PSPC1: variants seen among roughly 807,000 people sequenced by gnomAD.
The protein encoded by PSPC1 is paraspeckle component 1.
PSPC1 carries 14 observed loss-of-function variants against 51.6 expected under a neutral mutation model. The observed-to-expected ratio is 0.27, with a 90% CI of 0.18 to 0.42. PSPC1 has a LOEUF of 0.42. PSPC1 is among the 10% of genes least tolerant of loss of function. PSPC1 has a pLI of 1.00. For synonymous variants in PSPC1, 193 were observed against 231.9 expected, an observed-to-expected ratio of 0.83 and a Z score of 1.53; for missense variants, 406 against 701.1, an observed-to-expected ratio of 0.58 and a Z score of 4.75.
chr13:19,697,079 G>GTAGTCAACTACA (rs1388559824), intron 6 of PSPC1, among the ~76,000 whole-genome samples: 1 of 152,120 alleles, frequency 6.6e-6, no homozygotes, highest in African/African-American at 2.4e-5. Flanking sequence ...ACAGTGTACT[G>GTAGTCAACTACA]GGACAGTCAA....
intron 2 of PSPC1, among the ~76,000 whole-genome samples, chr13:19,763,244 C>A (rs1209213819): frequency 6.6e-6 from 1 of 152,168 alleles, no homozygotes; most frequent in Non-Finnish European, 1.5e-5. Flanking sequence ...CAGCCTCAAC[C>A]TCCTGGGCTC....
At chr13:19,730,764 C>T (rs1352495382) in intron 5 of PSPC1, among the ~76,000 whole-genome samples, 2 of 151,726 alleles carry the variant, frequency 1.3e-5, no homozygotes, top group African/African-American at 4.8e-5. Context: ...TCAAGACCTG[C>T]CTGGCCAACA....
intron 5 of PSPC1, among the ~76,000 whole-genome samples, chr13:19,737,502 GTGAATCATA>G (rs1378233682): frequency 2.6e-5 from 4 of 152,188 alleles, no homozygotes; most frequent in African/African-American, 9.6e-5. Context: ...ATCCCATTCA[GTGAATCATA>G]TCAAGGGGCT....
intron 4 of PSPC1, among the ~76,000 whole-genome samples, 183 bp from the exon 5 acceptor site, chr13:19,741,832 G>A (rs1885464182): frequency 6.6e-6 from 1 of 152,160 alleles, no homozygotes; most frequent in Admixed American, 6.6e-5. Context: ...ATAAAAAAGA[G>A]TATTCAAGTT....
chr13:19,756,456 CAG>C (rs978761408), intron 3 of PSPC1, among the ~76,000 whole-genome samples: 4 of 152,026 alleles, frequency 2.6e-5, no homozygotes, highest in African/African-American at 9.7e-5. Context: ...TACGGCCACT[CAG>C]GGAGCGAGAA....
chr13:19,738,950 A>C (rs1404416150), intron 5 of PSPC1, among the ~76,000 whole-genome samples: 1 of 152,066 alleles, frequency 6.6e-6, no homozygotes, highest in South Asian at 2.1e-4. Flanking sequence ...AAGTCTGTTA[A>C]TGTTAGTATA....
At chr13:19,731,836 A>G (rs1009487375) in intron 5 of PSPC1, among the ~76,000 whole-genome samples, 3 of 152,204 alleles carry the variant, frequency 2.0e-5, no homozygotes, top group African/African-American at 4.8e-5. Context: ...CAAAATACTT[A>G]TTCTGGTGTT....
intron 6 of PSPC1, among the ~76,000 whole-genome samples, chr13:19,722,425 A>G (rs1455565452): frequency 3.9e-5 from 6 of 152,064 alleles, no homozygotes; most frequent in Admixed American, 6.6e-5. Flanking sequence ...ACTTAAGCTG[A>G]GGAGTTCAAG....
intron 3 of PSPC1, among the ~76,000 whole-genome samples, chr13:19,758,115 C>T (rs1441289741): frequency 1.1e-4 from 16 of 151,874 alleles, no homozygotes; most frequent in Non-Finnish European, 1.6e-4. Flanking sequence ...GAGATCGAGA[C>T]CATCCTGGCT....
chr13:19,686,501 G>A (rs1175115203), intron 6 of PSPC1, among the ~76,000 whole-genome samples: 3 of 152,138 alleles, frequency 2.0e-5, no homozygotes. Flanking sequence ...ATACATCTAT[G>A]AATACAGAAA....
intron 6 of PSPC1, among the ~76,000 whole-genome samples, chr13:19,717,378 C>A (rs371408894): frequency 6.9e-4 from 104 of 151,710 alleles, no homozygotes; most frequent in African/African-American, 2.3e-3. Flanking sequence ...CCAGCCTGGC[C>A]AACATGGTGA....
chr13:19,724,429 C>T (rs1056878549), intron 6 of PSPC1, among the ~76,000 whole-genome samples: 45 of 151,894 alleles, frequency 3.0e-4, no homozygotes, highest in African/African-American at 1.1e-3. Context: ...AACAAAGAAA[C>T]AACAACAAAA....
rs752520243 is a variant in PSPC1, at chr13:19,782,688, A to T, written c.70T>A (p.Ser24Thr). Residue 24 changes from serine (S) to threonine (T), a missense_variant, in exon 1 of 9, where the codon TCC becomes ACC. Transcript: ENST00000338910. The surrounding 1 kb of genome is among the most constrained non-coding windows in gnomAD (Gnocchi z 4.5). ...GCCGGCTCGCTCTCGCCCACCGCGGACTCCAGGGCGCGAAGGCGGGCCGGG... is the reference window on the plus strand; with the variant it reads ...GCCGGCTCGCTCTCGCCCACCGCGGTCTCCAGGGCGCGAAGGCGGGCCGGG... ...KNPARLRALE[S>T]AVGESEPAAA... 1 of 1,566,244 alleles carries T rather than the reference A, an allele frequency of 6.4e-7. No individual in the cohort carries two copies. Among genetic ancestry groups the T allele is most frequent in the South Asian group, 1.2e-5 (1 of 86,696 alleles).
intron 1 of PSPC1, among the ~76,000 whole-genome samples, chr13:19,781,460 T>C (rs1169488472): frequency 6.6e-6 from 1 of 152,186 alleles, no homozygotes; most frequent in Admixed American, 6.5e-5. Context: ...GTAAGCTATA[T>C]TACTCTGATA....
chr13:19,763,550 T>C lies in PSPC1; in HGVS notation c.675-4132A>G, dbSNP rs374059076. 9.2e-5 allele frequency among the ~76,000 whole-genome samples: 14 copies of C among 152,318 alleles called. No individual in the cohort carries two copies. In the South Asian group the frequency reaches 2.3e-3, roughly 25 times the overall value. On this transcript the variant is annotated intron_variant, in intron 2 of 8. Transcript: ENST00000338910. ...GGTTTACAGCAGGTTATGAGCTGCATAGCCTTTGGCTAGGAGGTTCCTGCG... is the reference window on the plus strand; with the variant it reads ...GGTTTACAGCAGGTTATGAGCTGCACAGCCTTTGGCTAGGAGGTTCCTGCG...
intron 6 of PSPC1, 37 bp from the exon 7 acceptor site, chr13:19,709,636 A>T (rs761455070): frequency 4.3e-5 from 58 of 1,349,066 alleles, no homozygotes; most frequent in Non-Finnish European, 5.6e-5. Context: ...CAACCTATCG[A>T]TCTTATGACT....
intron 6 of PSPC1, among the ~76,000 whole-genome samples, chr13:19,683,274 A>G (rs892251421): frequency 1.3e-5 from 2 of 152,186 alleles, no homozygotes; most frequent in South Asian, 2.1e-4. Context: ...GAGCATATCA[A>G]TAGAAAACTA....
chr13:19,746,149 A>T (rs2138078566), intron 4 of PSPC1, among the ~76,000 whole-genome samples: 1 of 151,540 alleles, frequency 6.6e-6, no homozygotes, highest in African/African-American at 2.4e-5. Flanking sequence ...CACACCTATA[A>T]TCCTAGCACT....
chr13:19,733,318 T>C (rs1320531006), intron 5 of PSPC1, among the ~76,000 whole-genome samples: 1 of 152,174 alleles, frequency 6.6e-6, no homozygotes, highest in Non-Finnish European at 1.5e-5. Context: ...ATGGTATTGC[T>C]ATTACTGCTT....
Sources: gnomAD v4.1 joint callset for allele counts (sites outside exome capture counted in the v4.1 genomes callset) on GRCh38, gnomAD v4.1.1 for gene constraint, Gnocchi (gnomAD v3.1) non-coding constraint, MANE v1.5 for transcripts, NCBI Gene and HGNC (gene_info 2026-07-23, HGNC 2026-07-21) for gene names.